NGEF: variants seen among roughly 807,000 people sequenced by gnomAD.
NGEF encodes the protein neuronal guanine nucleotide exchange factor.
In NGEF, 31 loss-of-function variants were observed where a neutral mutation model predicts 80.9. The ratio of observed to expected loss-of-function variants is 0.38; its 90% confidence interval spans 0.29 to 0.52. The LOEUF (loss-of-function observed/expected upper bound fraction) is 0.52, where lower values mean the gene tolerates loss of function less well. NGEF is among the 20% of genes least tolerant of loss of function. NGEF has a pLI of 0.84. For synonymous variants in NGEF, 371 were observed against 370.2 expected (o/e 1.00, Z -0.03); for missense variants, 709 against 926.2 (o/e 0.77, Z 3.04).
At chr2:233,006,005 C>T (rs1393998525) in intron 1 of NGEF, among the ~76,000 whole-genome samples, 3 of 152,098 alleles carry the variant, frequency 2.0e-5, no homozygotes, top group Non-Finnish European at 2.9e-5. Flanking sequence ...TTTGTAGAGA[C>T]GGGGTTTTGT....
chr2:232,887,585 A>G (rs1181092482), intron 9 of NGEF, among the ~76,000 whole-genome samples: 1 of 152,190 alleles, frequency 6.6e-6, no homozygotes, highest in African/African-American at 2.4e-5. Flanking sequence ...TGAGCCTCAC[A>G]GGAGGGAGGA....
intron 1 of NGEF, among the ~76,000 whole-genome samples, chr2:233,004,400 A>T (rs1441220187): frequency 2.0e-5 from 3 of 151,916 alleles, no homozygotes; most frequent in Non-Finnish European, 2.9e-5. Flanking sequence ...GCCCTTCCCC[A>T]TCCCCTGGTC....
chr2:232,895,519 T>G (rs1692027107), intron 5 of NGEF, among the ~76,000 whole-genome samples: 1 of 121,382 alleles, frequency 8.2e-6, no homozygotes, highest in Non-Finnish European at 1.8e-5. Flanking sequence ...AGAGTGAGAC[T>G]CTGTCTTAAA....
Position 232,879,205 on chromosome 2 carries a change from C to A in NGEF, c.*284G>T. 6.0e-6 allele frequency: 2 copies of A among 334,850 alleles called. No individual in the cohort carries two copies. Among genetic ancestry groups the A allele is most frequent in the Non-Finnish European group, 1.1e-5 (2 of 181,178 alleles). 20.7% of individuals were successfully genotyped at this position (334,850 alleles called of 1,614,324 possible). A position where few individuals can be genotyped will look rare whatever the true frequency, so the allele number is the denominator to read the frequency against. On this transcript the variant is annotated 3_prime_UTR_variant, in exon 15 of 15. Transcript: ENST00000264051. ...ATGGGGGGCCCTGGAGTGTGCCCACCCCCTTCCACCCCCTCGGAGGCATGA... is the reference window on the plus strand; with the variant it reads ...ATGGGGGGCCCTGGAGTGTGCCCACACCCTTCCACCCCCTCGGAGGCATGA...
At position 232,899,684 on chromosome 2, in the gene NGEF, T is replaced by G. The variant is rs1479190875; in HGVS notation, c.829-4768A>C. ...CACTCACACATGCTCTCACAGTCACTCATACACACATTCACTCACACACGC... is the reference window on the plus strand; with the variant it reads ...CACTCACACATGCTCTCACAGTCACGCATACACACATTCACTCACACACGC... On this transcript the variant is annotated intron_variant, in intron 5 of 14. Coordinates refer to ENST00000264051, the MANE Select transcript of NGEF (RefSeq NM_019850.3). Among the ~76,000 whole-genome samples the G allele has an allele frequency of 1.8e-5, 2 of 114,284 alleles. 1 individual carries two copies. Among genetic ancestry groups the G allele is most frequent in the Non-Finnish European group, 3.5e-5 (2 of 56,418 alleles). 75.0% of individuals were successfully genotyped at this position (114,284 alleles called of 152,430 possible). A position where few individuals can be genotyped will look rare whatever the true frequency, so the allele number is the denominator to read the frequency against.
At chr2:232,954,604 A>C (rs1274433825) in intron 3 of NGEF, among the ~76,000 whole-genome samples, 2 of 152,188 alleles carry the variant, frequency 1.3e-5, no homozygotes, top group Admixed American at 6.5e-5. Context: ...AGGTGCCTGT[A>C]GTCCCAGCTA....
At chr2:232,885,814 C>G (rs1031222315) in intron 9 of NGEF, among the ~76,000 whole-genome samples, 8 of 152,222 alleles carry the variant, frequency 5.3e-5, no homozygotes, top group Admixed American at 6.5e-5. Context: ...TGGGGCCCGG[C>G]ACAGGGCCAG....
intron 5 of NGEF, among the ~76,000 whole-genome samples, chr2:232,897,743 A>G (rs1028285643): frequency 6.6e-6 from 1 of 152,358 alleles, no homozygotes; most frequent in Non-Finnish European, 1.5e-5. Context: ...ACAGTCAGAG[A>G]TGAGACGCTG....
chr2:232,881,938 A>G (rs1217872394), intron 13 of NGEF, among the ~76,000 whole-genome samples: 1 of 152,186 alleles, frequency 6.6e-6, no homozygotes, highest in Non-Finnish European at 1.5e-5. Flanking sequence ...GTTTGGTCCA[A>G]ATTCTTCCTG....
chr2:232,937,832 G>A (rs1296750832), intron 3 of NGEF, among the ~76,000 whole-genome samples: 1 of 152,220 alleles, frequency 6.6e-6, no homozygotes, highest in African/African-American at 2.4e-5. Flanking sequence ...GGAACTTGCA[G>A]GTAATGGCTT....
chr2:232,920,503 G>A lies in NGEF; in HGVS notation c.609C>T (p.Asp203=). 6.2e-7 allele frequency: 1 copy of A among 1,600,558 alleles called. No homozygotes were observed. The highest frequency in any genetic ancestry group is 8.5e-7 in the Non-Finnish European group (1 of 1,171,674). The part of the protein sequence containing the change: ...TRRQQDAEIE[D]NTNGSPASED... ...CACTGGCCGGGGACCCATTGGTATTGTCTTCTATTTCTGCATCCTGTTGCC... is the reference window on the plus strand; with the variant it reads ...CACTGGCCGGGGACCCATTGGTATTATCTTCTATTTCTGCATCCTGTTGCC... The change falls in exon 5 of 15, where the codon GAC becomes GAT. Residue 203 remains aspartate, a synonymous_variant. Coordinates refer to ENST00000264051, the MANE Select transcript of NGEF (RefSeq NM_019850.3).
chr2:232,888,231 C>T (rs1691756149), intron 8 of NGEF, 124 bp from the exon 9 acceptor site: 1 of 658,822 alleles, frequency 1.5e-6, no homozygotes, highest in Admixed American at 3.0e-5. Flanking sequence ...TGCACACACA[C>T]ACACACGCAC....
At chr2:232,917,678 A>G (rs1051510763) in intron 5 of NGEF, among the ~76,000 whole-genome samples, 1 of 152,088 alleles carries the variant, frequency 6.6e-6, no homozygotes, top group African/African-American at 2.4e-5. Flanking sequence ...ACAAAACAAG[A>G]TGACTCTGTT....
chr2:232,888,522 T>C (rs1691776773), intron 8 of NGEF, among the ~76,000 whole-genome samples: 1 of 143,092 alleles, frequency 7.0e-6, no homozygotes, highest in Non-Finnish European at 1.5e-5. Context: ...CAAGCATGTG[T>C]GCGCACACAT....
At chr2:232,883,504 A>T (rs2106213753) in intron 11 of NGEF, 38 bp from the exon 12 acceptor site, 2 of 1,525,182 alleles carry the variant, frequency 1.3e-6, no homozygotes, top group East Asian at 4.8e-5. Context: ...GTCAGCCCCG[A>T]GGAGGCCTGT....
Position 232,961,555 on chromosome 2 carries a change from C to T in NGEF, c.383+8659G>A, listed in dbSNP as rs568669015. On this transcript the variant is annotated intron_variant, in intron 3 of 14. Coordinates refer to ENST00000264051, the MANE Select transcript of NGEF (RefSeq NM_019850.3). ...TCGCCCAGGCTGGAGTGCAGTGGCG[C>T]GATCTCTGCTCACTGCAAGCTCCAC... Among the ~76,000 whole-genome samples, 29 of 152,182 alleles carry T rather than the reference C, an allele frequency of 1.9e-4. No homozygotes were observed. The South Asian group carries it at 4.2e-3, about 22-fold the overall frequency.
chr2:232,903,479 G>T (rs1448302297), intron 5 of NGEF, among the ~76,000 whole-genome samples: 1 of 152,022 alleles, frequency 6.6e-6, no homozygotes, highest in African/African-American at 2.4e-5. Context: ...TGTGTCTGAC[G>T]AGGGAACTGG....
chr2:233,009,715 A>G (rs1695162948), intron 1 of NGEF, among the ~76,000 whole-genome samples: 1 of 152,116 alleles, frequency 6.6e-6, no homozygotes, highest in African/African-American at 2.4e-5. Context: ...CTGGTGCATG[A>G]AGCTCCAGCC....
At chr2:232,982,873 C>T (rs1290711270) in intron 1 of NGEF, among the ~76,000 whole-genome samples, 1 of 152,172 alleles carries the variant, frequency 6.6e-6, no homozygotes, top group African/African-American at 2.4e-5. Context: ...AGGATTTAGA[C>T]AGAGGAAGGA....
Sources: allele counts gnomAD v4.1 joint callset (sites outside exome capture counted in the v4.1 genomes callset), GRCh38; gene constraint gnomAD v4.1.1; transcripts MANE v1.5; gene names NCBI Gene and HGNC (gene_info 2026-07-23, HGNC 2026-07-21).